Variants in USP33 observed in about 807,000 individuals in gnomAD.
USP33 encodes ubiquitin specific peptidase 33, also known as ubiquitin carboxyl-terminal hydrolase 33.
In USP33, 46 loss-of-function variants were observed where a neutral mutation model predicts 124.2. The ratio of observed to expected loss-of-function variants is 0.37; its 90% CI spans 0.29 to 0.47. USP33 has a LOEUF of 0.47. Ranked by LOEUF, USP33 falls within the 20% of genes least tolerant of loss-of-function variation. USP33 has a pLI of 0.99. For synonymous variants in USP33, 350 were observed against 352.3 expected, an observed-to-expected ratio of 0.99 and a Z score of 0.07; for missense variants, 851 against 1,070.6, an observed-to-expected ratio of 0.79 and a Z score of 2.86.
At chr1:77,713,885 C>T (rs950818493) in intron 19 of USP33, among the ~76,000 whole-genome samples, 16 of 152,146 alleles carry the variant, frequency 1.1e-4, no homozygotes, top group Admixed American at 9.8e-4. Flanking sequence ...CTCCCAAGAA[C>T]GGTAATTATA....
At chr1:77,720,180 A>G in intron 15 of USP33, 3 of 419,604 alleles carry the variant, frequency 7.1e-6, no homozygotes, top group Non-Finnish European at 9.6e-6. Flanking sequence ...AAAAAAAAAA[A>G]AAAAAAAAAA....
chr1:77,743,818 CT>C (rs776480922), intron 1 of USP33, among the ~76,000 whole-genome samples: 25 of 152,142 alleles, frequency 1.6e-4, no homozygotes, highest in Admixed American at 5.2e-4. Flanking sequence ...CTAAAGGTTA[CT>C]TTGGTTCTGT....
At chr1:77,744,391 AT>A (rs1228907100) in intron 1 of USP33, among the ~76,000 whole-genome samples, 2 of 152,206 alleles carry the variant, frequency 1.3e-5, no homozygotes, top group Non-Finnish European at 2.9e-5. Flanking sequence ...TAAAAATTAA[AT>A]CAGAACATCA....
At chr1:77,702,288 G>T (rs1467426534) in intron 21 of USP33, among the ~76,000 whole-genome samples, 1 of 151,410 alleles carries the variant, frequency 6.6e-6, no homozygotes, top group East Asian at 1.9e-4. Flanking sequence ...CATAAAAGGG[G>T]CATAAAGACT....
intron 16 of USP33, 118 bp from the exon 17 acceptor site, chr1:77,718,165 A>C: frequency 1.2e-6 from 1 of 861,410 alleles, no homozygotes; most frequent in Non-Finnish European, 1.7e-6. Flanking sequence ...GTTCAATCAA[A>C]TTACAATTAT....
At chr1:77,712,584 C>T (rs1274204561) in intron 20 of USP33, among the ~76,000 whole-genome samples, 1 of 152,180 alleles carries the variant, frequency 6.6e-6, no homozygotes, top group Non-Finnish European at 1.5e-5. Flanking sequence ...AATCCCAATA[C>T]TTTGGACTTT....
In USP33 at chr1:77,728,281, T is replaced by A; in HGVS notation, c.1135+14A>T. On this transcript the variant is annotated intron_variant, in intron 10 of 23. Coordinates refer to ENST00000370794, the MANE Select transcript of USP33 (RefSeq NM_201624.3). The stretch of plus-strand genomic sequence containing the variant: ...AATACTATCATTTTCATGAACAAAC[T>A]ACTAAATTGTCACCTGAAGCTCTGC... The A allele has an allele frequency of 1.3e-6, 2 of 1,550,486 alleles. No individual in the cohort carries two copies. Among genetic ancestry groups the A allele is most frequent in the South Asian group, 2.5e-5 (2 of 79,532 alleles).
chr1:77,709,694 A>C (rs925188888), intron 21 of USP33, among the ~76,000 whole-genome samples: 3 of 151,490 alleles, frequency 2.0e-5, no homozygotes, highest in Non-Finnish European at 4.4e-5. Context: ...GCTAGGTATG[A>C]TCAATCCTAC....
chr1:77,704,285 T>C (rs539587200), intron 21 of USP33, among the ~76,000 whole-genome samples: 1 of 152,294 alleles, frequency 6.6e-6, no homozygotes, highest in African/African-American at 2.4e-5. Flanking sequence ...TCTCAAGGCA[T>C]GGAATTAAAG....
intron 23 of USP33, 49 bp from the exon 24 acceptor site, chr1:77,697,523 T>G: frequency 6.5e-7 from 1 of 1,537,688 alleles, no homozygotes; most frequent in Non-Finnish European, 8.7e-7. Context: ...TATATTCATA[T>G]TGCAAAAGCG....
intron 18 of USP33, among the ~76,000 whole-genome samples, chr1:77,715,108 A>G (rs1389739839): frequency 2.0e-5 from 3 of 152,178 alleles, no homozygotes; most frequent in Non-Finnish European, 2.9e-5. Flanking sequence ...AAAAAAACAA[A>G]TATTTTTATA....
At chr1:77,706,279 AG>A (rs1299667512) in intron 21 of USP33, among the ~76,000 whole-genome samples, 1 of 152,218 alleles carries the variant, frequency 6.6e-6, no homozygotes, top group Non-Finnish European at 1.5e-5. Context: ...TGATATTCAT[AG>A]GAATTCCCTA....
rs947111165 is a variant in USP33, at chr1:77,702,158, AAAAAAAAAAAAAAAAAAAAC to A, written c.2407-707_2407-688del. ...CCCTGTCTCAAAAAAAAAAAAAAAA[AAAAAAAAAAAAAAAAAAAAC>A]CAGTGGTACAGTAAGATGTATGCTA... On this transcript the variant is annotated intron_variant, in intron 21 of 23. Coordinates refer to ENST00000370794, the MANE Select transcript of USP33 (RefSeq NM_201624.3). Among the ~76,000 whole-genome samples the A allele has an allele frequency of 6.4e-5, 9 of 139,982 alleles. 1 individual carries two copies. The highest frequency in any genetic ancestry group is 4.2e-4 in the Admixed American group (6 of 14,202). The allele number at this position is 139,982 out of a possible 152,430, so 91.8% of individuals were successfully genotyped here. A position where few individuals can be genotyped will look rare whatever the true frequency, so the allele number is the denominator to read the frequency against.
intron 7 of USP33, 127 bp downstream of exon 7, chr1:77,734,220 T>C (rs1678164532): frequency 1.4e-6 from 1 of 711,612 alleles, no homozygotes; most frequent in African/African-American, 1.8e-5. Context: ...AAGAATGGGT[T>C]ATGTCCCAAA....
At chr1:77,702,138 T>C (rs1307595832) in intron 21 of USP33, among the ~76,000 whole-genome samples, 1 of 38,616 alleles carries the variant, frequency 2.6e-5, no homozygotes, top group Non-Finnish European at 4.3e-5. Flanking sequence ...CAAGACCCTG[T>C]CTCAAAAAAA....
chr1:77,746,746 A>C (rs1679784033), intron 1 of USP33, among the ~76,000 whole-genome samples: 1 of 152,236 alleles, frequency 6.6e-6, no homozygotes, highest in South Asian at 2.1e-4. Context: ...AATAAACATA[A>C]TCCATCATAT....
intron 1 of USP33, among the ~76,000 whole-genome samples, chr1:77,742,780 G>GA (rs1424436361): frequency 1.3e-5 from 2 of 152,076 alleles, no homozygotes; most frequent in African/African-American, 4.8e-5. Context: ...TTGAACTTCA[G>GA]AAACACTGTA....
At chr1:77,737,383 G>A (rs879329562) in intron 5 of USP33, among the ~76,000 whole-genome samples, 1 of 152,118 alleles carries the variant, frequency 6.6e-6, no homozygotes, top group Admixed American at 6.6e-5. Context: ...AAAGATACAT[G>A]CTCACTACAA....
chr1:77,736,017 C>A, intron 6 of USP33, 39 bp downstream of exon 6: 1 of 1,391,472 alleles, frequency 7.2e-7, no homozygotes, highest in African/African-American at 1.5e-5. Context: ...AAGAAATGGG[C>A]AGTGCCATAC....
Sources: gnomAD v4.1 joint callset for allele counts (sites outside exome capture counted in the v4.1 genomes callset) on GRCh38, gnomAD v4.1.1 for gene constraint, MANE v1.5 for transcripts, NCBI Gene and HGNC (gene_info 2026-07-23, HGNC 2026-07-21) for gene names.